The following OR1L8 variants were observed in gnomAD, a reference collection of about 807,000 sequenced individuals.
OR1L8 encodes the protein olfactory receptor family 1 subfamily L member 8, also known as olfactory receptor 1L8.
For synonymous variants in OR1L8, 148 were observed against 147.0 expected (o/e 1.01, Z -0.05); for missense variants, 330 against 377.4 (o/e 0.87, Z 1.04).
chr9:122,553,170 A>G, the OR1L8 span: 3 of 1,592,648 alleles, frequency 1.9e-6, no homozygotes, highest in Non-Finnish European at 2.6e-6. Context: ...ATACTGACAC[A>G]TGGAAGGTTT....
At chr9:122,551,049 A>G in the OR1L8 span, among the ~76,000 whole-genome samples, 2 of 136,058 alleles carry the variant, frequency 1.5e-5, no homozygotes, top group Non-Finnish European at 3.1e-5. Context: ...TGATAAATGA[A>G]TTGAGTAAAG....
At chr9:122,564,503 T>G (rs76121520), downstream of OR1L8, among the ~76,000 whole-genome samples, 1,339 of 152,160 alleles carry the variant, frequency 8.8e-3, 18 homozygotes, top group African/African-American at 0.031. Context: ...ATTGGAGAAA[T>G]TGCAGAGATT....
At chr9:122,554,235 A>T in the OR1L8 span, 14 of 1,174,666 alleles carry the variant, frequency 1.2e-5, no homozygotes, top group Admixed American at 3.0e-4. Flanking sequence ...TAATTCTACT[A>T]CTGTCATGTT....
the OR1L8 span, among the ~76,000 whole-genome samples, chr9:122,561,902 A>G: frequency 0.61 from 92,081 of 152,070 alleles, 28,517 homozygotes; most frequent in East Asian, 0.97. Context: ...AAACTTACTC[A>G]TCTGGGCTGC....
downstream of OR1L8, among the ~76,000 whole-genome samples, chr9:122,564,995 G>A (rs1475836334): frequency 6.6e-6 from 1 of 152,202 alleles, no homozygotes; most frequent in East Asian, 1.9e-4. Flanking sequence ...ACATTTGTGT[G>A]TCAAAAAGTA....
At chr9:122,570,836 ATGTAT>A (rs780618987) in intron 4 of OR1L8, among the ~76,000 whole-genome samples, 3 of 152,202 alleles carry the variant, frequency 2.0e-5, no homozygotes, top group Non-Finnish European at 4.4e-5. Context: ...TTTATTGAAA[ATGTAT>A]TAGTATTAGG....
At chr9:122,552,073 T>TCACACACACACACACATACA in the OR1L8 span, among the ~76,000 whole-genome samples, 1 of 142,396 alleles carries the variant, frequency 7.0e-6, no homozygotes. Context: ...TCTCTCTCTC[T>TCACACACACACACACATACA]CTCTCTCACA....
chr9:122,573,692 T>A (rs1022434386), intron 3 of OR1L8, among the ~76,000 whole-genome samples: 1 of 152,228 alleles, frequency 6.6e-6, no homozygotes, highest in Non-Finnish European at 1.5e-5. Context: ...AGTATGTGGC[T>A]TATTTTTTTA....
chr9:122,568,254 G>A lies in OR1L8; in HGVS notation c.224C>T (p.Thr75Ile). ...SFLSLTDICF[T>I]TSVVPKMLMN... ...CAGCATCTTGGGGACAACGCTTGTT[G>A]TAAAGCAAATATCAGTGAGAGACAG... Residue 75 changes from threonine (T) to isoleucine (I), a missense_variant, in exon 5 of 5, where the codon ACA becomes ATA. Transcript: ENST00000641027. The A allele has an allele frequency of 6.2e-7, 1 of 1,614,062 alleles. No homozygotes were observed. The highest frequency in any genetic ancestry group is 8.5e-7 in the Non-Finnish European group (1 of 1,179,934).
At chr9:122,548,589 T>TTATATATATATATATATATATATATA in the OR1L8 span, among the ~76,000 whole-genome samples, 90 of 151,252 alleles carry the variant, frequency 6.0e-4, no homozygotes, top group Admixed American at 1.1e-3. Flanking sequence ...TTTAAAATTT[T>TTATATATATATATATATATATATATA]TATATATATA....
At chr9:122,549,136 T>C in the OR1L8 span, among the ~76,000 whole-genome samples, 4 of 151,904 alleles carry the variant, frequency 2.6e-5, no homozygotes, top group Non-Finnish European at 4.4e-5. Flanking sequence ...TAGTGAGAGA[T>C]GTTTGGGTCA....
At chr9:122,552,906 CTAAA>C in the OR1L8 span, among the ~76,000 whole-genome samples, 1,405 of 152,120 alleles carry the variant, frequency 9.2e-3, 22 homozygotes, top group African/African-American at 0.032. Flanking sequence ...CTCACTTCCT[CTAAA>C]TAGCCCATGC....
intron 4 of OR1L8, among the ~76,000 whole-genome samples, chr9:122,572,520 G>A (rs1221191800): frequency 6.6e-6 from 1 of 151,822 alleles, no homozygotes; most frequent in Non-Finnish European, 1.5e-5. Context: ...CTAAAGTACA[G>A]GGTGAGTGTA....
chr9:122,572,617 A>C (rs1829573739), intron 4 of OR1L8, among the ~76,000 whole-genome samples, 163 bp downstream of exon 4: 1 of 151,902 alleles, frequency 6.6e-6, no homozygotes, highest in Non-Finnish European at 1.5e-5. Context: ...GCTGCTCTCA[A>C]AGCATGTGGT....
the OR1L8 span, chr9:122,554,082 T>C: frequency 1.9e-6 from 3 of 1,613,534 alleles, no homozygotes; most frequent in South Asian, 2.2e-5. Flanking sequence ...GCTAAACCCA[T>C]TCATTTATAG....
rs1829457284 is a variant in OR1L8 at position 122,567,731 on chromosome 9, C to T, written c.747G>A (p.Val249=). The T allele has an allele frequency of 6.2e-7, 1 of 1,614,000 alleles. No homozygotes were observed. The highest frequency in any genetic ancestry group is 8.5e-7 in the Non-Finnish European group (1 of 1,179,990). Residue 249 remains valine, a synonymous_variant, in exon 5 of 5, where the codon GTG becomes GTA. Transcript: ENST00000641027. ...FSTCGFYLTV[V]TLFYGSIFCV... ...AGAAGATGCTTCCATAAAAGAGCGT[C>T]ACCACGGTGAGGTAAAAACCACAGG... is the stretch of plus-strand genomic sequence containing the variant.
chr9:122,571,626 G>A (rs1829552874), intron 4 of OR1L8, among the ~76,000 whole-genome samples: 1 of 150,936 alleles, frequency 6.6e-6, no homozygotes, highest in Non-Finnish European at 1.5e-5. Flanking sequence ...TGAGGCAGAA[G>A]AATCGCTTGA....
At chr9:122,566,969 TAAATA>T (rs1442714357), downstream of OR1L8, 1 of 151,804 alleles carries the variant, frequency 6.6e-6, no homozygotes, top group Non-Finnish European at 1.5e-5. Flanking sequence ...AAATTAAAAG[TAAATA>T]AAACTACAGC....
Position 122,567,789 on chromosome 9 carries a change from G to A in OR1L8, c.689C>T (p.Pro230Leu), listed in dbSNP as rs749637395. ...GGCTTTGCGTTTCCCAGAAGTAGAG[G>A]GAATCTTGAGAACTGTAGTGAGGAT... ...IRILTTVLKI[P>L]STSGKRKAFS... The change falls in exon 5 of 5, where the codon CCC (proline) becomes CTC (leucine). Residue 230 changes from proline (P) to leucine (L), a missense_variant. Physicochemically the swap from Pro to Leu is moderately conservative, Grantham distance 98. Coordinates refer to ENST00000641027, the MANE Select transcript of OR1L8 (RefSeq NM_001004454.2). 1.9e-6 allele frequency: 3 copies of A among 1,613,852 alleles called. No individual in the cohort carries two copies. Among genetic ancestry groups the A allele is most frequent in the Admixed American group, 3.3e-5 (2 of 59,990 alleles).
Sources: gnomAD v4.1 joint callset for allele counts (sites outside exome capture counted in the v4.1 genomes callset) on GRCh38, gnomAD v4.1.1 for gene constraint, MANE v1.5 for transcripts, NCBI Gene and HGNC (gene_info 2026-07-23, HGNC 2026-07-21) for gene names.